The following GDA variants were observed in gnomAD, a reference collection of about 807,000 sequenced individuals.
The protein encoded by GDA is cytoplasmic PSD-95 interactor.
GDA carries 18 observed loss-of-function variants against 59.6 expected under a neutral mutation model. The ratio of observed to expected loss-of-function variants is 0.30; its 90% CI spans 0.21 to 0.45. The LOEUF (loss-of-function observed/expected upper bound fraction) is 0.45, where lower values mean the gene tolerates loss of function less well. Among genes scored for constraint, GDA ranks in the 20% least tolerant of loss-of-function variants. The probability of loss-of-function intolerance (pLI) is 1.00; values close to 1 mark genes in which losing one functional copy is unlikely to be tolerated. For synonymous variants in GDA, 201 were observed against 201.1 expected, an observed-to-expected ratio of 1.00 and a Z score of 0.00; for missense variants, 427 against 552.3, an observed-to-expected ratio of 0.77 and a Z score of 2.27.
intron 3 of GDA, among the ~76,000 whole-genome samples, 194 bp downstream of exon 3, chr9:72,202,936 G>A (rs77854645): frequency 6.6e-6 from 1 of 152,200 alleles, no homozygotes; most frequent in Non-Finnish European, 1.5e-5. Flanking sequence ...GGCAAAGAGA[G>A]AATTTGAATC....
chr9:72,189,166 C>CTT (rs71493640), intron 1 of GDA, among the ~76,000 whole-genome samples: 1,748 of 54,846 alleles, frequency 0.032, 556 homozygotes, highest in African/African-American at 0.09. Context: ...AGACTCTAGA[C>CTT]TTTTTTTTTT....
intron 12 of GDA, among the ~76,000 whole-genome samples, chr9:72,245,826 T>G (rs1280555847): frequency 6.9e-6 from 1 of 145,808 alleles, no homozygotes; most frequent in Non-Finnish European, 1.6e-5. Context: ...AAAATGAACT[T>G]TGTTTCTCTT....
downstream of GDA, among the ~76,000 whole-genome samples, chr9:72,255,990 T>C (rs1005847193): frequency 5.3e-5 from 8 of 152,042 alleles, no homozygotes; most frequent in African/African-American, 1.9e-4. Context: ...TAAAAACTCA[T>C]TTAATGTTGT....
At chr9:72,209,872 G>A (rs922269261) in intron 3 of GDA, among the ~76,000 whole-genome samples, 4 of 152,208 alleles carry the variant, frequency 2.6e-5, no homozygotes, top group Admixed American at 6.5e-5. Context: ...AGTAGTACAC[G>A]TGGTATTCTG....
chr9:72,228,001 G>A lies in GDA; in HGVS notation c.881G>A (p.Arg294Gln), dbSNP rs143236383. Residue 294 changes from arginine to glutamine, a missense_variant, in exon 9 of 14, where the codon CGA (arginine) becomes CAA (glutamine). Transcript: ENST00000358399. ...GAAGAACTGAACGTATTCCATGAAC[G>A]AGGAGCATCCATCGCACACTGTCCC... ...SAEELNVFHE[R>Q]GASIAHCPNS... is the part of the protein sequence containing the mutation. The A allele has an allele frequency of 5.1e-5, 82 of 1,605,862 alleles. No homozygotes were observed. Among genetic ancestry groups the A allele is most frequent in the Non-Finnish European group, 6.6e-5 (77 of 1,173,124 alleles).
chr9:72,181,994 C>T (rs967522669), intron 1 of GDA, among the ~76,000 whole-genome samples: 1 of 152,168 alleles, frequency 6.6e-6, no homozygotes, highest in Non-Finnish European at 1.5e-5. Flanking sequence ...ATTCTCTACT[C>T]TCTCTACATA....
At chr9:72,135,904 C>T (rs981755663) in intron 1 of GDA, among the ~76,000 whole-genome samples, 4 of 151,996 alleles carry the variant, frequency 2.6e-5, no homozygotes, top group African/African-American at 4.8e-5. Flanking sequence ...AGCCACCACG[C>T]GGGGCCTGCT....
intron 1 of GDA, among the ~76,000 whole-genome samples, chr9:72,125,382 A>C (rs1487094546): frequency 7.9e-6 from 1 of 125,858 alleles, no homozygotes; most frequent in Admixed American, 1.0e-4. Flanking sequence ...CTTTGACAGG[A>C]TCTCGCTCTG....
At position 72,250,923 on chromosome 9, in the gene GDA, T is replaced by C. The variant is rs955480687; in HGVS notation, c.*2581T>C. 41 of 1,162,974 alleles carry C rather than the reference T, an allele frequency of 3.5e-5. No homozygotes were observed. Among genetic ancestry groups the C allele is most frequent in the Non-Finnish European group, 5.0e-6 (4 of 796,964 alleles). The allele number at this position is 1,162,974 out of a possible 1,614,324, so 72.0% of individuals were successfully genotyped here. Reference sequence around the variant, plus strand: ...AGAACACAAAAGCAGGCTAGTCAGCTAAGGTAAATTTCATTTTCAAACGAG... The same window carrying C: ...AGAACACAAAAGCAGGCTAGTCAGCCAAGGTAAATTTCATTTTCAAACGAG... On this transcript the variant is annotated 3_prime_UTR_variant, in exon 14 of 14. Transcript: ENST00000358399.
chr9:72,221,747 C>G (rs891948465), intron 6 of GDA, among the ~76,000 whole-genome samples: 3 of 152,158 alleles, frequency 2.0e-5, no homozygotes, highest in African/African-American at 4.8e-5. Flanking sequence ...GTTTGTTGTT[C>G]CCCTCTATGG....
intron 1 of GDA, among the ~76,000 whole-genome samples, chr9:72,173,701 C>T (rs986074987): frequency 2.0e-5 from 3 of 152,142 alleles, no homozygotes; most frequent in African/African-American, 7.2e-5. Flanking sequence ...ATAATCTTCC[C>T]ATAGCCAGAT....
intron 1 of GDA, among the ~76,000 whole-genome samples, chr9:72,189,955 T>A (rs1440766295): frequency 6.6e-6 from 1 of 152,232 alleles, no homozygotes; most frequent in Non-Finnish European, 1.5e-5. Flanking sequence ...GAAACTCATG[T>A]TAATATTTAA....
intron 1 of GDA, among the ~76,000 whole-genome samples, chr9:72,164,863 G>A (rs1004783653): frequency 2.6e-5 from 4 of 151,872 alleles, no homozygotes; most frequent in African/African-American, 4.8e-5. Context: ...GGTGGCGGGC[G>A]CCTGTAGTCC....
rs373895127 is a variant in GDA at position 72,184,182 on chromosome 9, G to A, written c.124-11318G>A. Reference sequence around the variant, plus strand: ...TATCCCCCACCAGAATGCTACATTTGCAACAACTGATAAACCTACATTGTC... The same window carrying A: ...TATCCCCCACCAGAATGCTACATTTACAACAACTGATAAACCTACATTGTC... On this transcript the variant is annotated intron_variant, in intron 1 of 13. Coordinates refer to ENST00000358399, the MANE Select transcript of GDA (RefSeq NM_004293.5). Among the ~76,000 whole-genome samples the A allele has an allele frequency of 7.9e-5, 12 of 152,166 alleles. No homozygotes were observed. In the East Asian group the frequency reaches 1.4e-3, roughly 17 times the overall value.
At chr9:72,164,827 CAA>C (rs1207256639) in intron 1 of GDA, among the ~76,000 whole-genome samples, 1 of 138,686 alleles carries the variant, frequency 7.2e-6, no homozygotes, top group Non-Finnish European at 1.6e-5. Flanking sequence ...ACTAAAAATA[CAA>C]AAAAAAAAAA....
intron 4 of GDA, among the ~76,000 whole-genome samples, chr9:72,211,814 G>T (rs1038261769): frequency 8.5e-5 from 13 of 152,316 alleles, no homozygotes; most frequent in African/African-American, 2.6e-4. Flanking sequence ...TCGCCTGGGG[G>T]CAGTGGGAGA....
In GDA at chr9:72,194,651, C is replaced by T. The variant is rs531074108; in HGVS notation, c.124-849C>T. 2.6e-5 allele frequency among the ~76,000 whole-genome samples: 4 copies of T among 152,240 alleles called. No individual in the cohort carries two copies. The South Asian group carries it at 6.2e-4, about 24-fold the overall frequency. ...CAGGAGGTTGTGTTCCCCCCCTTCC[C>T]GGCCCAGTCTATTGTCTCTGGGCCC... On this transcript the variant is annotated intron_variant, in intron 1 of 13. Coordinates refer to ENST00000358399, the MANE Select transcript of GDA (RefSeq NM_004293.5).
chr9:72,247,563 A>AT, intron 13 of GDA, 130 bp downstream of exon 13: 2 of 625,500 alleles, frequency 3.2e-6, no homozygotes, highest in Non-Finnish European at 2.8e-6. Flanking sequence ...TTGATTCATT[A>AT]TTTTTTTAAC....
chr9:72,231,501 C>A (rs1219186276), intron 10 of GDA, among the ~76,000 whole-genome samples: 1 of 151,016 alleles, frequency 6.6e-6, no homozygotes, highest in African/African-American at 2.4e-5. Flanking sequence ...GGAGGCGGAG[C>A]TTGTAGTGAG....
Sources: gnomAD v4.1 joint callset for allele counts (sites outside exome capture counted in the v4.1 genomes callset) on GRCh38, gnomAD v4.1.1 for gene constraint, MANE v1.5 for transcripts, NCBI Gene and HGNC (gene_info 2026-07-23, HGNC 2026-07-21) for gene names.